Variants in SMIM17 observed in about 807,000 individuals in gnomAD.
SMIM17 encodes the protein small integral membrane protein 17.
In SMIM17, 10 loss-of-function variants were observed where a neutral mutation model predicts 12.2. That is an observed-to-expected ratio of 0.82 (90% CI 0.50 to 1.39). The LOEUF (loss-of-function observed/expected upper bound fraction) is 1.39. Ranked by LOEUF, SMIM17 falls within the 40% of genes most tolerant of loss-of-function variation. SMIM17 has a pLI of 0.00. For missense variants in SMIM17, 136 were observed against 118.2 expected (o/e 1.15, Z -0.70); for synonymous variants, 50 against 44.1 (o/e 1.13, Z -0.53).
rs184713147 is a variant in SMIM17, at chr19:56,645,747, G to T, written c.80G>T (p.Arg27Leu). 1.6e-4 allele frequency: 245 copies of T among 1,535,852 alleles called. No individual in the cohort carries two copies. The highest frequency in any genetic ancestry group is 1.9e-4 in the Non-Finnish European group (223 of 1,146,832). Residue 27 changes from arginine to leucine, a missense_variant, in exon 2 of 4, where the codon CGG (arginine) becomes CTG (leucine). Arg to Leu is a moderately radical substitution (Grantham distance 102). Transcript: ENST00000598409. Reference sequence around the variant, plus strand: ...AAGACTCTGCTGCCTCGGGAGAGCCGGGCCTGGGAGAAGCCTCCTCATCCC... The same window carrying T: ...AAGACTCTGCTGCCTCGGGAGAGCCTGGCCTGGGAGAAGCCTCCTCATCCC... ...RTKTLLPRESRAWEKPPHPAC... is the reference protein window; with the variant it reads ...RTKTLLPRESLAWEKPPHPAC...
rs765585446 is a variant in SMIM17 at position 56,655,562 on chromosome 19, A to G, written c.*349A>G. 10 of 284,618 alleles carry G rather than the reference A, an allele frequency of 3.5e-5. No individual in the cohort carries two copies. Among genetic ancestry groups the G allele is most frequent in the Admixed American group, 5.0e-5 (1 of 20,184 alleles). 17.6% of individuals were successfully genotyped at this position (284,618 alleles called of 1,614,324 possible). On this transcript the variant is annotated 3_prime_UTR_variant, in exon 4 of 4. Transcript: ENST00000598409. ...AATGAAATCTGGTACATTTCCTAACATCAAACCAACTTTGCATTCTTAAGG... is the reference window on the plus strand; with the variant it reads ...AATGAAATCTGGTACATTTCCTAACGTCAAACCAACTTTGCATTCTTAAGG...
At chr19:56,646,991 G>A (rs919500700) in intron 2 of SMIM17, among the ~76,000 whole-genome samples, 1 of 152,152 alleles carries the variant, frequency 6.6e-6, no homozygotes, top group African/African-American at 2.4e-5. Context: ...GCTCCTGGCT[G>A]GGGCTAAGGT....
rs1439122381 is a variant in SMIM17, at chr19:56,653,237, A to G, written c.247-1866A>G. 3.9e-5 allele frequency among the ~76,000 whole-genome samples: 6 copies of G among 152,312 alleles called. 1 individual carries two copies. The South Asian group carries it at 1.2e-3, about 32-fold the overall frequency. ...TTCTTGATTTCCACTTGCATGGATT[A>G]GTTTTGCTTGTTGTTGAATTTTATC... On this transcript the variant is annotated intron_variant, in intron 3 of 3. Transcript: ENST00000598409.
chr19:56,651,915 A>G (rs79545439), intron 3 of SMIM17, among the ~76,000 whole-genome samples: 6,232 of 151,938 alleles, frequency 0.041, 150 homozygotes, highest in East Asian at 0.076. Context: ...ATCAGTCTGC[A>G]TAACATGGCA....
intron 2 of SMIM17, 126 bp from the exon 3 acceptor site, chr19:56,647,420 TGAGAGAGAGAGA>T (rs72370552): frequency 0.21 from 116,010 of 547,904 alleles, 6,241 homozygotes; most frequent in African/African-American, 0.28. Flanking sequence ...AGAAGGAGGG[TGAGAGAGAGAGA>T]GAGAGAGAGA....
In SMIM17 at chr19:56,647,629, T is replaced by C. The variant is rs1180572387; in HGVS notation, c.241T>C (p.Ser81Pro). 6.5e-7 allele frequency: 1 copy of C among 1,535,662 alleles called. No homozygotes were observed. Among genetic ancestry groups the C allele is most frequent in the East Asian group, 2.4e-5 (1 of 40,894 alleles). The change falls in exon 3 of 4, where the codon TCC becomes CCC. Residue 81 changes from serine (S) to proline (P), a missense_variant. Ser to Pro is a moderately conservative substitution (Grantham distance 74). Coordinates refer to ENST00000598409, the MANE Select transcript of SMIM17 (RefSeq NM_001193628.2). ...SVEEDDESEGSQGFVEWSKAP... is the reference protein window; with the variant it reads ...SVEEDDESEGPQGFVEWSKAP... Reference sequence around the variant, plus strand: ...GGAGGAAGATGACGAATCAGAGGGCTCCCAGGTACACTGGGGGGTTTGTTC... The same window carrying C: ...GGAGGAAGATGACGAATCAGAGGGCCCCCAGGTACACTGGGGGGTTTGTTC...
Position 56,656,156 on chromosome 19 carries a change from G to T in SMIM17, c.*943G>T, listed in dbSNP as rs2045149985. Among the ~76,000 whole-genome samples the T allele has an allele frequency of 6.6e-6, 1 of 151,870 alleles. No individual in the cohort carries two copies. The highest frequency in any genetic ancestry group is 3.2e-3 in the Middle Eastern group (1 of 316). ...AGACGGGGTTTCACCGTGTTAGCCAGGATGGTCTCGATCTCCTGACCTCGT... is the reference window on the plus strand; with the variant it reads ...AGACGGGGTTTCACCGTGTTAGCCATGATGGTCTCGATCTCCTGACCTCGT... On this transcript the variant is annotated 3_prime_UTR_variant, in exon 4 of 4. Transcript: ENST00000598409.
chr19:56,646,001 G>A (rs1217024725), intron 2 of SMIM17, among the ~76,000 whole-genome samples, 165 bp downstream of exon 2: 2 of 152,238 alleles, frequency 1.3e-5, no homozygotes, highest in Admixed American at 1.3e-4. Flanking sequence ...CCCAAACTTA[G>A]GGGCTTAAAG....
At chr19:56,648,488 C>T (rs1186036951) in intron 3 of SMIM17, among the ~76,000 whole-genome samples, 2 of 152,190 alleles carry the variant, frequency 1.3e-5, no homozygotes, top group Non-Finnish European at 2.9e-5. Context: ...ATCAATCCAT[C>T]TGTTCAATCC....
intron 3 of SMIM17, among the ~76,000 whole-genome samples, chr19:56,648,941 A>G (rs1473746643): frequency 1.3e-5 from 2 of 152,186 alleles, no homozygotes; most frequent in Admixed American, 6.5e-5. Flanking sequence ...TCATGTCAGG[A>G]ATGTAACTCT....
chr19:56,644,186 T>C (rs1023358538), intron 1 of SMIM17, among the ~76,000 whole-genome samples: 2 of 152,098 alleles, frequency 1.3e-5, no homozygotes, highest in Non-Finnish European at 2.9e-5. Flanking sequence ...AGATCCATGA[T>C]TAATTATGTC....
intron 1 of SMIM17, among the ~76,000 whole-genome samples, chr19:56,644,354 C>G (rs1168119748): frequency 6.6e-6 from 1 of 152,178 alleles, no homozygotes. Context: ...CCAACAGACT[C>G]CCCGGCCCAC....
intron 2 of SMIM17, among the ~76,000 whole-genome samples, chr19:56,646,965 G>T (rs1264166693): frequency 6.6e-6 from 1 of 152,198 alleles, no homozygotes; most frequent in African/African-American, 2.4e-5. Context: ...GGCCAGCTCT[G>T]CTAGTGAGGC....
In SMIM17 at chr19:56,655,111, G is replaced by A; in HGVS notation, c.255G>A (p.Val85=). The A allele has an allele frequency of 1.4e-6, 1 of 695,012 alleles. No homozygotes were observed. The highest frequency in any genetic ancestry group is 2.7e-5 in the East Asian group (1 of 37,142). The allele number at this position is 695,012 out of a possible 1,614,324, so 43.1% of individuals were successfully genotyped here. The change falls in exon 4 of 4, where the codon GTG becomes GTA. Residue 85 remains valine, a synonymous_variant. Transcript: ENST00000598409. ...DDESEGSQGF[V]EWSKAPQQTT... ...CCTTTTTTCTGTTTCAGGGCTTTGT[G>A]GAGTGGTCAAAAGCTCCACAACAAA...
intron 2 of SMIM17, among the ~76,000 whole-genome samples, chr19:56,646,381 G>T (rs185907586): frequency 2.0e-5 from 3 of 152,174 alleles, no homozygotes; most frequent in Non-Finnish European, 4.4e-5. Context: ...TCAACTGGGC[G>T]TGGTCTTATA....
rs923078050 is a variant in SMIM17 at position 56,643,206 on chromosome 19, G to T, written c.-105G>T. 2.0e-5 allele frequency: 3 copies of T among 152,724 alleles called. No homozygotes were observed. Among genetic ancestry groups the T allele is most frequent in the African/African-American group, 7.2e-5 (3 of 41,498 alleles). The allele number at this position is 152,724 out of a possible 1,614,324, so 9.5% of individuals were successfully genotyped here. ...CAGAGCCCAGACAGGGTCCGGTTGG[G>T]GAGGGTGAGTCCTTCGAGGGACCCC... is the stretch of plus-strand genomic sequence containing the variant. On this transcript the variant is annotated 5_prime_UTR_variant, in exon 1 of 4. Coordinates refer to ENST00000598409, the MANE Select transcript of SMIM17 (RefSeq NM_001193628.2).
At chr19:56,653,526 G>C (rs1362816911) in intron 3 of SMIM17, among the ~76,000 whole-genome samples, 1 of 152,204 alleles carries the variant, frequency 6.6e-6, no homozygotes, top group East Asian at 1.9e-4. Flanking sequence ...AGAAGACAAT[G>C]CTACAATGAG....
rs1380785421 is a variant in SMIM17, at chr19:56,656,861, T to G, written c.*1648T>G. On this transcript the variant is annotated 3_prime_UTR_variant, in exon 4 of 4. Transcript: ENST00000598409. ...GCTTCCAAAACTTTTTAAAAAGCTT[T>G]TAGTGTGGCCTAGAACATGTCCATT... Among the ~76,000 whole-genome samples the G allele has an allele frequency of 6.6e-6, 1 of 152,210 alleles. No homozygotes were observed. The highest frequency in any genetic ancestry group is 1.5e-5 in the Non-Finnish European group (1 of 68,036).
intron 2 of SMIM17, 107 bp from the exon 3 acceptor site, chr19:56,647,451 G>GAGAGAGAGACAGAGAGAGAGAGAGAGAGA: frequency 1.5e-6 from 1 of 667,140 alleles, no homozygotes; most frequent in African/African-American, 1.9e-5. Context: ...GAGAGAGAGA[G>GAGAGAGAGACAGAGAGAGAGAGAGAGAGA]GAGGCTATTA....
Sources: allele counts gnomAD v4.1 joint callset (sites outside exome capture counted in the v4.1 genomes callset), GRCh38; gene constraint gnomAD v4.1.1; transcripts MANE v1.5; gene names NCBI Gene and HGNC (gene_info 2026-07-23, HGNC 2026-07-21).